HRNR: variants seen among roughly 807,000 people sequenced by gnomAD.
The protein encoded by HRNR is filaggrin family member 3.
HRNR carries 7 observed loss-of-function variants against 4.8 expected under a neutral mutation model. That is an observed-to-expected ratio of 1.47 (90% confidence interval 0.83 to 2.75). The LOEUF (loss-of-function observed/expected upper bound fraction) is 2.75, where lower values mean the gene tolerates loss of function less well. HRNR is among the 30% of genes most tolerant of loss of function. The pLI is 0.00. For missense variants in HRNR, 2,879 were observed against 3,010.4 expected (o/e 0.96, Z 1.02); for synonymous variants, 1,023 against 1,242.7 (o/e 0.82, Z 3.72).
In HRNR at chr1:152,218,950, G is replaced by A. The variant is rs766516791; in HGVS notation, c.2679C>T (p.His893=). ...HGSGSGQSPG[H]GQRGSGSGQS... ...GCCCTGACCCAGACCCACGCTGGCC[G>A]TGGCCTGGAGACTGGCCAGATCCAG... The change falls in exon 3 of 3, where the codon CAC becomes CAT. Residue 893 remains histidine (H), a synonymous_variant. Transcript: ENST00000368801. 142 of 1,613,356 alleles carry A rather than the reference G, an allele frequency of 8.8e-5. 1 individual carries two copies. The highest frequency in any genetic ancestry group is 3.3e-4 in the Middle Eastern group (2 of 6,084).
chr1:152,223,473 A>T (rs1026937468), intron 1 of HRNR, among the ~76,000 whole-genome samples, 195 bp from the exon 2 acceptor site: 2 of 152,234 alleles, frequency 1.3e-5, no homozygotes, highest in Non-Finnish European at 2.9e-5. Context: ...TGAAATTAGG[A>T]ATATAATCCA....
chr1:152,219,105 C>T lies in HRNR; in HGVS notation c.2524G>A (p.Gly842Arg). ...TGCCCTGACGTAGATCCATGTCGTCCCTGGCTAGAGAAGTGACCTGAGGCA... is the reference window on the plus strand; with the variant it reads ...TGCCCTGACGTAGATCCATGTCGTCTCTGGCTAGAGAAGTGACCTGAGGCA... ...GSASGHFSSQ[G>R]RHGSTSGQSS... The change falls in exon 3 of 3, where the codon GGA (glycine) becomes AGA (arginine). Residue 842 changes from glycine (G) to arginine (R), a missense_variant. Coordinates refer to ENST00000368801, the MANE Select transcript of HRNR (RefSeq NM_001009931.3). 1 of 1,612,836 alleles carries T rather than the reference C, an allele frequency of 6.2e-7. No individual in the cohort carries two copies. Among genetic ancestry groups the T allele is most frequent in the Middle Eastern group, 1.7e-4 (1 of 6,048 alleles).
rs752285829 is a variant in HRNR at position 152,218,605 on chromosome 1, G to A, written c.3024C>T (p.Ser1008=). The stretch of plus-strand genomic sequence containing the variant: ...CAGACCCATGTCGGCCACGGCTAGG[G>A]CTAGGAGACTGGCCAGATCCAGACC... ...QHGSGSGQSP[S]PSRGRHGSGS... is the part of the protein sequence containing the mutation. Residue 1008 remains serine, a synonymous_variant, in exon 3 of 3, where the codon AGC becomes AGT. Transcript: ENST00000368801. The A allele has an allele frequency of 5.0e-6, 8 of 1,611,076 alleles. No homozygotes were observed. Among genetic ancestry groups the A allele is most frequent in the Non-Finnish European group, 6.8e-6 (8 of 1,179,266 alleles).
rs982336269 is a variant in HRNR at position 152,212,357 on chromosome 1, C to G, written c.*719G>C. 1.3e-5 allele frequency: 2 copies of G among 152,006 alleles called. No homozygotes were observed. Among genetic ancestry groups the G allele is most frequent in the Non-Finnish European group, 2.9e-5 (2 of 68,014 alleles). 9.4% of individuals were successfully genotyped at this position (152,006 alleles called of 1,614,324 possible). A position where few individuals can be genotyped will look rare whatever the true frequency, so the allele number is the denominator to read the frequency against. On this transcript the variant is annotated 3_prime_UTR_variant, in exon 3 of 3. Transcript: ENST00000368801. ...GGGAGCAAGATCTTTCTGCTGAAAA[C>G]AAGCTAAAGCCCACATTTGAATGTT...
chr1:152,220,691 C>G lies in HRNR; in HGVS notation c.938G>C (p.Gly313Ala), dbSNP rs142730465. The G allele has an allele frequency of 1.9e-5, 31 of 1,613,028 alleles. 1 individual carries two copies. In the South Asian group the frequency reaches 3.1e-4, roughly 16 times the overall value. ...SRQSPSHVRH[G>A]SGSGHSSSHG... ...GCTGGAGGAGTGCCCCGAACCGGAC[C>G]CATGTCGGACGTGGCTAGGAGACTG... Residue 313 changes from glycine to alanine, a missense_variant, in exon 3 of 3, where the codon GGG (glycine) becomes GCG (alanine). This residue lies in a region of HRNR where 2,646 missense variants were observed against 1,377.7 expected (regional missense o/e 1.92). Coordinates refer to ENST00000368801, the MANE Select transcript of HRNR (RefSeq NM_001009931.3).
rs778700068 is a variant in HRNR at position 152,218,939 on chromosome 1, C to T, written c.2690G>A (p.Gly897Glu). 1.9e-6 allele frequency: 3 copies of T among 1,613,730 alleles called. No individual in the cohort carries two copies. The highest frequency in any genetic ancestry group is 2.2e-5 in the South Asian group (2 of 91,056). ...SGQSPGHGQR[G>E]SGSGQSPSYG... ...GCTGGGAGACTGCCCTGACCCAGAC[C>T]CACGCTGGCCGTGGCCTGGAGACTG... Residue 897 changes from glycine to glutamate, a missense_variant, in exon 3 of 3, where the codon GGG (glycine) becomes GAG (glutamate). Physicochemically the swap from Gly to Glu is moderately conservative, Grantham distance 98. Coordinates refer to ENST00000368801, the MANE Select transcript of HRNR (RefSeq NM_001009931.3).
intron 1 of HRNR, among the ~76,000 whole-genome samples, chr1:152,223,939 C>T (rs187043358): frequency 3.3e-5 from 5 of 152,224 alleles, no homozygotes; most frequent in East Asian, 3.9e-4. Context: ...ATAAGGGAAG[C>T]GACCTCAAAG....
At position 152,220,693 on chromosome 1, in the gene HRNR, A is replaced by T. The variant is rs778301425; in HGVS notation, c.936T>A (p.His312Gln). ...TGGAGGAGTGCCCCGAACCGGACCC[A>T]TGTCGGACGTGGCTAGGAGACTGGC... ...GSRQSPSHVR[H>Q]GSGSGHSSSH... Residue 312 changes from histidine to glutamine, a missense_variant, in exon 3 of 3, where the codon CAT (histidine) becomes CAA (glutamine). Physicochemically the swap from His to Gln is conservative, Grantham distance 24. This residue lies in a region of HRNR where 2,646 missense variants were observed against 1,377.7 expected (regional missense o/e 1.92). Coordinates refer to ENST00000368801, the MANE Select transcript of HRNR (RefSeq NM_001009931.3). 6.2e-7 allele frequency: 1 copy of T among 1,612,990 alleles called. No homozygotes were observed. The highest frequency in any genetic ancestry group is 2.2e-5 in the East Asian group (1 of 44,800).
chr1:152,218,647 C>G lies in HRNR; in HGVS notation c.2982G>C (p.Leu994Phe). The stretch of plus-strand genomic sequence containing the variant: ...ATCCAGACCCATGTTGGCCGTGGCC[C>G]AAAGACTGACGGGAGCCAGACCCAT... ...GQHGSGSRQS[L>F]GHGQHGSGSG... The change falls in exon 3 of 3, where the codon TTG (leucine) becomes TTC (phenylalanine). Residue 994 changes from leucine (L) to phenylalanine (F), a missense_variant. Leu to Phe is a conservative substitution (Grantham distance 22, BLOSUM62 0). Coordinates refer to ENST00000368801, the MANE Select transcript of HRNR (RefSeq NM_001009931.3). The G allele has an allele frequency of 2.5e-6, 4 of 1,608,210 alleles. No individual in the cohort carries two copies. The highest frequency in any genetic ancestry group is 3.4e-6 in the Non-Finnish European group (4 of 1,178,028).
chr1:152,220,833 G>C lies in HRNR; in HGVS notation c.796C>G (p.Gln266Glu), dbSNP rs1368661500. 3.7e-6 allele frequency: 6 copies of C among 1,613,846 alleles called. No individual in the cohort carries two copies. In the East Asian group the frequency reaches 8.9e-5, roughly 24 times the overall value. The change falls in exon 3 of 3, where the codon CAG becomes GAG. Residue 266 changes from glutamine (Q) to glutamate (E), a missense_variant. By Grantham distance (29) the Gln-to-Glu change is conservative. Around this residue, in one of 8 missense-constraint regions of HRNR, gnomAD observed 2,646 missense variants for 1,377.7 expected, o/e 1.92. Coordinates refer to ENST00000368801, the MANE Select transcript of HRNR (RefSeq NM_001009931.3). Reference sequence around the variant, plus strand: ...CTGTGTCGTTCACCCCTAGATGACTGTCCTGACCTAGAGCCGTGTTGTCCG... The same window carrying C: ...CTGTGTCGTTCACCCCTAGATGACTCTCCTGACCTAGAGCCGTGTTGTCCG... The part of the protein sequence containing the change: ...GYGQHGSRSG[Q>E]SSRGERHRSS...
chr1:152,219,965 G>A lies in HRNR; in HGVS notation c.1664C>T (p.Ser555Phe). Reference protein sequence around the residue: ...RGRHESGSRQSSSYGPHGYGS... With the variant: ...RGRHESGSRQFSSYGPHGYGS... Reference sequence around the variant, plus strand: ...ATACCCATGTGGGCCATAGCTGGAAGACTGCCTGGAACCAGACTCATGTCG... The same window carrying A: ...ATACCCATGTGGGCCATAGCTGGAAAACTGCCTGGAACCAGACTCATGTCG... The change falls in exon 3 of 3, where the codon TCT (serine) becomes TTT (phenylalanine). Residue 555 changes from serine (S) to phenylalanine (F), a missense_variant. Ser to Phe is a radical substitution (Grantham distance 155). This residue lies in a region of HRNR where 2,646 missense variants were observed against 1,377.7 expected (regional missense o/e 1.92). Coordinates refer to ENST00000368801, the MANE Select transcript of HRNR (RefSeq NM_001009931.3). The A allele has an allele frequency of 6.2e-7, 1 of 1,613,596 alleles. No individual in the cohort carries two copies.
chr1:152,212,967 C>A lies in HRNR; in HGVS notation c.*109G>T, dbSNP rs1048851522. On this transcript the variant is annotated 3_prime_UTR_variant, in exon 3 of 3. Transcript: ENST00000368801. ...AAAGAGACAGAAATGCATTGATTCA[C>A]TTTTAGAACGAATTTCATGATGGAT... 6.9e-7 allele frequency: 1 copy of A among 1,451,264 alleles called. No homozygotes were observed. The highest frequency in any genetic ancestry group is 9.2e-7 in the Non-Finnish European group (1 of 1,081,950). 89.9% of individuals were successfully genotyped at this position (1,451,264 alleles called of 1,614,324 possible).
At position 152,221,452 on chromosome 1, in the gene HRNR, T is replaced by G; in HGVS notation, c.177A>C (p.Gln59His). 6.2e-7 allele frequency: 1 copy of G among 1,611,136 alleles called. No homozygotes were observed. Among genetic ancestry groups the G allele is most frequent in the Non-Finnish European group, 8.5e-7 (1 of 1,178,276 alleles). Reference sequence around the variant, plus strand: ...TCTTGTTATGGTCTCGATCCAGACTTTGCAAGATGATATCCACAGTATCTG... The same window carrying G: ...TCTTGTTATGGTCTCGATCCAGACTGTGCAAGATGATATCCACAGTATCTG... ...NDPDTVDIIL[Q>H]SLDRDHNKKV... is the part of the protein sequence containing the mutation. The change falls in exon 3 of 3, where the codon CAA becomes CAC. Residue 59 changes from glutamine (Q) to histidine (H), a missense_variant. Around this residue, in one of 8 missense-constraint regions of HRNR, gnomAD observed 2,646 missense variants for 1,377.7 expected, o/e 1.92. Coordinates refer to ENST00000368801, the MANE Select transcript of HRNR (RefSeq NM_001009931.3).
At position 152,220,418 on chromosome 1, in the gene HRNR, T is replaced by G; in HGVS notation, c.1211A>C (p.Glu404Ala). The G allele has an allele frequency of 6.2e-7, 1 of 1,612,420 alleles. No homozygotes were observed. The highest frequency in any genetic ancestry group is 1.1e-5 in the South Asian group (1 of 90,980). Residue 404 changes from glutamate (E) to alanine (A), a missense_variant, in exon 3 of 3, where the codon GAG becomes GCG. Glu to Ala is a moderately radical substitution (Grantham distance 107). This residue lies in a region of HRNR where 2,646 missense variants were observed against 1,377.7 expected (regional missense o/e 1.92). Transcript: ENST00000368801. ...SRQSSSYGQHESASRHSSGRG... is the reference protein window; with the variant it reads ...SRQSSSYGQHASASRHSSGRG... The stretch of plus-strand genomic sequence containing the variant: ...GCCTGAAGAGTGACGGGAGGCAGAC[T>G]CATGCTGACCATAGCTGGAAGACTG...
rs77232056 is a variant in HRNR, at chr1:152,219,468, T to C, written c.2161A>G (p.Ser721Gly). The C allele has an allele frequency of 1.8e-3, 2,963 of 1,611,772 alleles. 51 individuals carry two copies. In the African/African-American group the frequency reaches 0.035, roughly 19 times the overall value. The change falls in exon 3 of 3, where the codon AGT becomes GGT. Residue 721 changes from serine (S) to glycine (G), a missense_variant. Physicochemically the swap from Ser to Gly is moderately conservative, Grantham distance 56. Coordinates refer to ENST00000368801, the MANE Select transcript of HRNR (RefSeq NM_001009931.3). ...TGTTTTCTGTAGCCGGAGGAGTGAC[T>C]TGAGCCAGATCCATGCTGACTGTAA... The part of the protein sequence containing the change: ...SGYSQHGSGS[S>G]HSSGYRKHGS...
At position 152,219,300 on chromosome 1, in the gene HRNR, T is replaced by C. The variant is rs1648837351; in HGVS notation, c.2329A>G (p.Ser777Gly). Residue 777 changes from serine (S) to glycine (G), a missense_variant, in exon 3 of 3, where the codon AGC (serine) becomes GGC (glycine). Transcript: ENST00000368801. ...GAACTGGACCCATGTCGGACACGGC[T>C]AGGAGAGTGGCCAGATCCAGACCCT... is the stretch of plus-strand genomic sequence containing the variant. The part of the protein sequence containing the change: ...RQGSGSGHSP[S>G]RVRHGSSSGH... 1.2e-6 allele frequency: 2 copies of C among 1,607,702 alleles called. No individual in the cohort carries two copies. Among genetic ancestry groups the C allele is most frequent in the Non-Finnish European group, 1.7e-6 (2 of 1,178,236 alleles).
At position 152,213,361 on chromosome 1, in the gene HRNR, A is replaced by G. The variant is rs539975478; in HGVS notation, c.8268T>C (p.Ser2756=). The G allele has an allele frequency of 2.2e-5, 13 of 584,632 alleles. 4 individuals carry two copies. The East Asian group carries it at 2.9e-4, about 13-fold the overall frequency. The allele number at this position is 584,632 out of a possible 1,614,324, so 36.2% of individuals were successfully genotyped here. Residue 2756 remains serine (S), a synonymous_variant, in exon 3 of 3, where the codon TCT becomes TCC. Transcript: ENST00000368801. ...CAGCCCCATGTCGGCCATAGCCAGA[A>G]GACTGACTGGAGCCAGAGCCACGGT... ...YGHRGSGSSQ[S]SGYGRHGAGS...
Position 152,218,476 on chromosome 1 carries a change from A to C in HRNR, c.3153T>G (p.Gly1051=), listed in dbSNP as rs1648746597. The change falls in exon 3 of 3, where the codon GGT becomes GGG. Residue 1051 remains glycine, a synonymous_variant. Coordinates refer to ENST00000368801, the MANE Select transcript of HRNR (RefSeq NM_001009931.3). ...ACTGTCCTGAGCGAGACTCTCGGTGACCTAAGCCAGAAGAGTGACCGGAGC... is the reference window on the plus strand; with the variant it reads ...ACTGTCCTGAGCGAGACTCTCGGTGCCCTAAGCCAGAAGAGTGACCGGAGC... ...ESGSGHSSGL[G]HRESRSGQSS... 2 of 1,613,454 alleles carry C rather than the reference A, an allele frequency of 1.2e-6. No homozygotes were observed. The highest frequency in any genetic ancestry group is 1.7e-6 in the Non-Finnish European group (2 of 1,179,908).
intron 1 of HRNR, 41 bp from the exon 2 acceptor site, chr1:152,223,319 T>C (rs1649064377): frequency 2.4e-6 from 3 of 1,258,402 alleles, no homozygotes. Flanking sequence ...TTACTATTCT[T>C]ATTTCTTGTT....
Sources: gnomAD v4.1 joint callset for allele counts (sites outside exome capture counted in the v4.1 genomes callset) on GRCh38, gnomAD v4.1.1 for gene constraint, gnomAD v4.1.1 regional missense constraint, MANE v1.5 for transcripts, NCBI Gene and HGNC (gene_info 2026-07-23, HGNC 2026-07-21) for gene names.